The following ZNF131 variants were observed in gnomAD, a reference collection of about 807,000 sequenced individuals.
The protein encoded by ZNF131 is zinc finger and BTB domain containing 35.
A neutral mutation model predicts 60.0 loss-of-function variants in ZNF131; 7 were observed. The observed-to-expected ratio is 0.12, with a 90% CI of 0.07 to 0.22. ZNF131 has a LOEUF of 0.22. ZNF131 is among the 10% of genes least tolerant of loss of function. ZNF131 has a pLI of 1.00. For missense variants in ZNF131, 493 were observed against 740.9 expected (o/e 0.67, Z 3.88); for synonymous variants, 257 against 253.2 (o/e 1.01, Z -0.14).
intron 5 of ZNF131, among the ~76,000 whole-genome samples, chr5:43,168,201 A>G (rs1013097056): frequency 1.3e-5 from 2 of 152,136 alleles, no homozygotes; most frequent in East Asian, 1.9e-4. Context: ...TCTCAATACT[A>G]CCATATTGGG....
intron 3 of ZNF131, 83 bp downstream of exon 3, chr5:43,123,393 C>A: frequency 8.3e-7 from 1 of 1,210,394 alleles, no homozygotes; most frequent in East Asian, 2.5e-5. Flanking sequence ...CAATACTTAG[C>A]AAACAATTGG....
rs1194674862 is a variant in ZNF131 at position 43,175,285 on chromosome 5, A to T, written c.*152A>T. On this transcript the variant is annotated 3_prime_UTR_variant, in exon 7 of 7. Coordinates refer to ENST00000682664, the MANE Select transcript of ZNF131 (RefSeq NM_001330707.2). The stretch of plus-strand genomic sequence containing the variant: ...AACTGTTGTCCGTTGAAACACATTG[A>T]TTCCCCTCCCCCTACTTATTGCCAC... 9.1e-6 allele frequency: 7 copies of T among 770,398 alleles called. No homozygotes were observed. Among genetic ancestry groups the T allele is most frequent in the Non-Finnish European group, 1.5e-5 (7 of 480,280 alleles). The allele number at this position is 770,398 out of a possible 1,614,324, so 47.7% of individuals were successfully genotyped here.
At chr5:43,121,795 C>G in intron 1 of ZNF131, 1 of 305,312 alleles carries the variant, frequency 3.3e-6, no homozygotes, top group Non-Finnish European at 6.1e-6. Context: ...CTGTGCCCAC[C>G]CCGCTCTAGC....
In ZNF131 at chr5:43,133,738, G is replaced by T. The variant is rs764024420; in HGVS notation, c.227-5427G>T. Among the ~76,000 whole-genome samples, 77 of 152,284 alleles carry T rather than the reference G, an allele frequency of 5.1e-4. 1 individual carries two copies. The highest frequency in any genetic ancestry group is 6.8e-3 in the Middle Eastern group (2 of 294). ...GTAATTTTTTGAATTTGAAAAATCA[G>T]ACCTTGGTGATGACCTTGAGCAGTA... On this transcript the variant is annotated intron_variant, in intron 3 of 6. Transcript: ENST00000682664.
chr5:43,154,769 T>C (rs1748755614), intron 4 of ZNF131, among the ~76,000 whole-genome samples: 1 of 152,180 alleles, frequency 6.6e-6, no homozygotes, highest in African/African-American at 2.4e-5. Context: ...CATTAGAGAA[T>C]AGTCCCTTAT....
Position 43,128,656 on chromosome 5 carries a change from C to CAAAAAA in ZNF131, c.226+5362_226+5367dup, listed in dbSNP as rs1170687481. On this transcript the variant is annotated intron_variant, in intron 3 of 6. Transcript: ENST00000682664. ...TGGGCGACAGAGCGAGACTCCATCT[C>CAAAAAA]AAAAAAAAAAAAAAAAAAAAACACA... is the stretch of plus-strand genomic sequence containing the variant. Among the ~76,000 whole-genome samples, 245 of 70,092 alleles carry CAAAAAA rather than the reference C, an allele frequency of 3.5e-3. 2 individuals carry two copies. The highest frequency in any genetic ancestry group is 6.5e-3 in the East Asian group (14 of 2,150). 46.0% of individuals were successfully genotyped at this position (70,092 alleles called of 152,430 possible).
At chr5:43,130,169 C>T (rs1008936684) in intron 3 of ZNF131, among the ~76,000 whole-genome samples, 29 of 146,868 alleles carry the variant, frequency 2.0e-4, no homozygotes, top group Non-Finnish European at 4.0e-4. Flanking sequence ...GAGGCTGAGG[C>T]AGGAGGATTG....
intron 4 of ZNF131, among the ~76,000 whole-genome samples, chr5:43,160,629 C>T (rs1265796931): frequency 1.3e-5 from 2 of 150,940 alleles, no homozygotes; most frequent in Non-Finnish European, 3.0e-5. Flanking sequence ...GCTTATTTTT[C>T]CCATACACAT....
At chr5:43,128,431 G>A (rs1034581813) in intron 3 of ZNF131, among the ~76,000 whole-genome samples, 1 of 151,874 alleles carries the variant, frequency 6.6e-6, no homozygotes, top group Non-Finnish European at 1.5e-5. Context: ...CCGAGCGGGC[G>A]GATCATGAGG....
intron 3 of ZNF131, among the ~76,000 whole-genome samples, chr5:43,134,783 C>T (rs1446941385): frequency 6.9e-5 from 10 of 145,070 alleles, no homozygotes; most frequent in African/African-American, 2.6e-4. Flanking sequence ...TCACTGCAAC[C>T]TCCGCCTCCT....
intron 4 of ZNF131, among the ~76,000 whole-genome samples, chr5:43,139,999 T>G (rs1746598866): frequency 6.6e-6 from 1 of 152,116 alleles, no homozygotes; most frequent in Non-Finnish European, 1.5e-5. Flanking sequence ...ATGGATAGCT[T>G]ATGCCCAGGA....
chr5:43,162,720 A>G (rs1231296406), intron 5 of ZNF131, among the ~76,000 whole-genome samples: 2 of 151,438 alleles, frequency 1.3e-5, no homozygotes, highest in African/African-American at 2.4e-5. Context: ...CCTGACCAAC[A>G]TTGTGAAACC....
intron 4 of ZNF131, among the ~76,000 whole-genome samples, chr5:43,159,202 G>GT (rs1198970531): frequency 6.6e-6 from 1 of 152,014 alleles, no homozygotes; most frequent in Non-Finnish European, 1.5e-5. Context: ...TTTTTCCAGA[G>GT]TGGGGGCATT....
At position 43,121,807 on chromosome 5, in the gene ZNF131, C is replaced by T. The variant is rs922503136; in HGVS notation, c.-15-232C>T. On this transcript the variant is annotated intron_variant, in intron 1 of 6. Coordinates refer to ENST00000682664, the MANE Select transcript of ZNF131 (RefSeq NM_001330707.2). ...GCGCTGTGCCCACCCCGCTCTAGCT[C>T]GCGTCTCCCGACTCCAATTAGGTCA... The T allele has an allele frequency of 3.0e-5, 10 of 336,422 alleles. No individual in the cohort carries two copies. The Admixed American group carries it at 4.9e-4, about 16-fold the overall frequency. 20.8% of individuals were successfully genotyped at this position (336,422 alleles called of 1,614,324 possible).
intron 5 of ZNF131, 150 bp downstream of exon 5, chr5:43,162,081 C>T (rs1749752581): frequency 1.4e-6 from 1 of 732,362 alleles, no homozygotes; most frequent in Non-Finnish European, 2.1e-6. Context: ...TATAGTATTA[C>T]CTGTTCAAAT....
intron 4 of ZNF131, among the ~76,000 whole-genome samples, chr5:43,144,908 CCAA>C (rs928200088): frequency 1.1e-4 from 17 of 151,738 alleles, no homozygotes; most frequent in African/African-American, 4.1e-4. Context: ...CAGGTGAGAG[CCAA>C]CAACCTGTTC....
intron 4 of ZNF131, among the ~76,000 whole-genome samples, chr5:43,149,525 T>TAA (rs1579817351): frequency 6.6e-6 from 1 of 152,200 alleles, no homozygotes; most frequent in Non-Finnish European, 1.5e-5. Flanking sequence ...TTTTTGGACA[T>TAA]ACGCTTTCAT....
chr5:43,135,077 C>A (rs1166962058), intron 3 of ZNF131, among the ~76,000 whole-genome samples: 11 of 151,300 alleles, frequency 7.3e-5, no homozygotes, highest in African/African-American at 2.2e-4. Context: ...CGGCTCCCCC[C>A]AACCTCCGCC....
chr5:43,144,025 C>G (rs1417961547), intron 4 of ZNF131, among the ~76,000 whole-genome samples: 1 of 146,842 alleles, frequency 6.8e-6, no homozygotes, highest in African/African-American at 2.5e-5. Context: ...CAGGTTCACG[C>G]TATTCTCCTG....
Sources: allele counts gnomAD v4.1 joint callset (sites outside exome capture counted in the v4.1 genomes callset), GRCh38; gene constraint gnomAD v4.1.1; transcripts MANE v1.5; gene names NCBI Gene and HGNC (gene_info 2026-07-23, HGNC 2026-07-21).